The following TENM1 variants were observed in gnomAD, a reference collection of about 807,000 sequenced individuals.
TENM1 encodes teneurin-1.
Under a neutral mutation model 174.8 loss-of-function variants are expected in TENM1, and 35 were observed. That is an observed-to-expected ratio of 0.20 (90% CI 0.15 to 0.27). TENM1 has a LOEUF of 0.27. Ranked by LOEUF, TENM1 falls within the 10% of genes least tolerant of loss-of-function variation. The pLI, the probability that TENM1 is intolerant of heterozygous loss-of-function variation, is 1.00. For missense variants in TENM1, 1,633 were observed against 2,130.1 expected, an observed-to-expected ratio of 0.77 and a Z score of 4.59; for synonymous variants, 781 against 798.7, an observed-to-expected ratio of 0.98 and a Z score of 0.37.
In TENM1 at chrX:124,494,904, G is replaced by C. The variant is rs1190693172; in HGVS notation, c.3695+2112C>G. On this transcript the variant is annotated intron_variant, in intron 20 of 31. Transcript: ENST00000422452. The stretch of plus-strand genomic sequence containing the variant: ...ATATGTGCCACATTTTCTTAATCCA[G>C]TCTATCATTGTTGGACATTTGGGTT... 4.3e-3 allele frequency among the ~76,000 whole-genome samples: 417 copies of C among 95,888 alleles called. 5 individuals are homozygous for C. The highest frequency in any genetic ancestry group is 0.015 in the African/African-American group (389 of 25,961). 83.3% of individuals were successfully genotyped at this position (95,888 alleles called of 115,157 possible).
intron 3 of TENM1, among the ~76,000 whole-genome samples, chrX:124,748,751 T>C (rs1270582290): frequency 3.6e-5 from 4 of 112,271 alleles, no homozygotes; most frequent in African/African-American, 1.3e-4. Flanking sequence ...GAATCAGACC[T>C]ATGTCGGTTT....
At chrX:124,590,292 C>T (rs995088875) in intron 11 of TENM1, among the ~76,000 whole-genome samples, 1 of 110,502 alleles carries the variant, frequency 9.0e-6, no homozygotes, top group Non-Finnish European at 1.9e-5. Context: ...TCTCAGGATA[C>T]AAAATCAATG....
intron 3 of TENM1, among the ~76,000 whole-genome samples, chrX:124,874,504 T>C (rs926123459): frequency 6.3e-5 from 7 of 110,412 alleles, no homozygotes; most frequent in African/African-American, 2.3e-4. Flanking sequence ...TGTCTCTGTA[T>C]GCTACACATA....
At chrX:124,516,472 C>T (rs1295862587) in intron 18 of TENM1, among the ~76,000 whole-genome samples, 6 of 111,799 alleles carry the variant, frequency 5.4e-5, no homozygotes, top group Admixed American at 3.8e-4. Context: ...GTCTAATATC[C>T]AGCATCTATA....
chrX:124,711,620 A>C (rs1402489421), intron 4 of TENM1, among the ~76,000 whole-genome samples: 1 of 112,030 alleles, frequency 8.9e-6, no homozygotes, highest in Non-Finnish European at 1.9e-5. Flanking sequence ...ACTAGAAGTT[A>C]ATAGGACCAA....
intron 18 of TENM1, among the ~76,000 whole-genome samples, chrX:124,512,919 A>G (rs2047616015): frequency 8.9e-6 from 1 of 112,010 alleles, no homozygotes; most frequent in Non-Finnish European, 1.9e-5. Context: ...TGAGTGGGCC[A>G]GAGATTCATA....
chrX:125,040,986 TG>T, the TENM1 span, among the ~76,000 whole-genome samples: 4 of 111,671 alleles, frequency 3.6e-5, no homozygotes, highest in Non-Finnish European at 7.6e-5. Context: ...ACTTGTCTAT[TG>T]TTTTAATGTC....
At chrX:124,503,974 T>C (rs1356223677) in intron 18 of TENM1, among the ~76,000 whole-genome samples, 1 of 111,701 alleles carries the variant, frequency 9.0e-6, no homozygotes, top group Non-Finnish European at 1.9e-5. Flanking sequence ...TTATGGACAT[T>C]AGGCTTTATT....
rs183557280 is a variant in TENM1, at chrX:124,792,087, T to C, written c.536-54890A>G. On this transcript the variant is annotated intron_variant, in intron 3 of 31. Transcript: ENST00000422452. ...CTCAGAGGGAAATTGGGAGTACTTC[T>C]AGAAGTTTGCCATTCTGAATCATTT... 2.4e-4 allele frequency among the ~76,000 whole-genome samples: 27 copies of C among 111,914 alleles called. 1 individual carries two copies. The highest frequency in any genetic ancestry group is 1.6e-3 in the Admixed American group (17 of 10,526).
intron 11 of TENM1, among the ~76,000 whole-genome samples, chrX:124,580,759 C>A (rs1447519280): frequency 9.0e-6 from 1 of 110,727 alleles, no homozygotes; most frequent in Non-Finnish European, 1.9e-5. Flanking sequence ...AGGAGGTACA[C>A]ATGCAGGTTT....
intron 15 of TENM1, among the ~76,000 whole-genome samples, chrX:124,544,476 C>G (rs534400356): frequency 1.8e-5 from 2 of 112,316 alleles, no homozygotes; most frequent in African/African-American, 6.5e-5. Flanking sequence ...AAAAGTTTAG[C>G]ATGAGATCTT....
the TENM1 span, among the ~76,000 whole-genome samples, chrX:125,142,343 A>C: frequency 9.0e-6 from 1 of 111,548 alleles, no homozygotes; most frequent in Non-Finnish European, 1.9e-5. Context: ...ATGATTTTAA[A>C]AAAGAAAAAT....
intron 19 of TENM1, among the ~76,000 whole-genome samples, chrX:124,498,867 G>T (rs2047262932): frequency 9.0e-6 from 1 of 111,210 alleles, no homozygotes; most frequent in Non-Finnish European, 1.9e-5. Flanking sequence ...GCATTTTAGT[G>T]CCAATCCCTG....
chrX:124,591,011 T>C (rs780524992), intron 11 of TENM1, among the ~76,000 whole-genome samples: 1 of 112,288 alleles, frequency 8.9e-6, no homozygotes, highest in East Asian at 2.8e-4. Context: ...TTTACTGTCG[T>C]TGGCTTAAAG....
chrX:124,954,849 A>G (rs1005624676), intron 1 of TENM1, among the ~76,000 whole-genome samples: 5 of 111,849 alleles, frequency 4.5e-5, no homozygotes, highest in African/African-American at 1.6e-4. Context: ...AGGCATGTGC[A>G]ATTCTGTTTT....
chrX:124,932,980 T>C (rs756112398), intron 1 of TENM1, among the ~76,000 whole-genome samples: 50 of 111,239 alleles, frequency 4.5e-4, no homozygotes, highest in Non-Finnish European at 4.0e-4. Context: ...ATCCCAAGAG[T>C]TGCCTCTGAA....
chrX:124,830,200 A>G lies in TENM1; in HGVS notation c.535+64096T>C, dbSNP rs183544619. On this transcript the variant is annotated intron_variant, in intron 3 of 31. Transcript: ENST00000422452. ...TGAAGAAATAAGGACGTGGCTTGGC[A>G]TGACACATGTCCTCTGCCTGGCTCC... 2.7e-5 allele frequency among the ~76,000 whole-genome samples: 3 copies of G among 112,375 alleles called. No homozygotes were observed. In the East Asian group the frequency reaches 8.4e-4, roughly 32 times the overall value.
chrX:124,565,408 T>C, exon 12 of TENM1: 1 of 1,206,126 alleles, frequency 8.3e-7, no homozygotes, highest in Non-Finnish European at 1.1e-6. Flanking sequence ...CATCCAGGGC[T>C]ACACTCACAT....
At chrX:124,643,377 A>G (rs1426666382) in intron 10 of TENM1, among the ~76,000 whole-genome samples, 4 of 110,794 alleles carry the variant, frequency 3.6e-5, no homozygotes, top group Non-Finnish European at 7.6e-5. Context: ...CATATGGAAG[A>G]AAAAAAGGGT....
Sources: gnomAD v4.1 joint callset for allele counts (sites outside exome capture counted in the v4.1 genomes callset) on GRCh38, gnomAD v4.1.1 for gene constraint, MANE v1.5 for transcripts, NCBI Gene and HGNC (gene_info 2026-07-23, HGNC 2026-07-21) for gene names.